The following FAM133B variants were observed in gnomAD, a reference collection of about 807,000 sequenced individuals.
FAM133B encodes family with sequence similarity 133 member B.
In FAM133B, 25 loss-of-function variants were observed where a neutral mutation model predicts 46.4. The observed-to-expected ratio is 0.54, with a 90% CI of 0.39 to 0.75. The LOEUF (loss-of-function observed/expected upper bound fraction) is 0.75, where lower values mean the gene tolerates loss of function less well. Among genes scored for constraint, FAM133B ranks in the 30% least tolerant of loss-of-function variants. FAM133B has a pLI of 0.00. For synonymous variants in FAM133B, 75 were observed against 86.0 expected (o/e 0.87, Z 0.71); for missense variants, 205 against 277.6 (o/e 0.74, Z 1.86).
rs116621496 is a variant in FAM133B, at chr7:92,581,756, T to C, written c.25-153A>G. ...CAACTCTTTATTCTAAAAAAATTAA[T>C]TTAATCCTCTTTTAAGTCTTAAAAG... On this transcript the variant is annotated intron_variant, in intron 1 of 10. Transcript: ENST00000445716. 394 of 597,412 alleles carry C rather than the reference T, an allele frequency of 6.6e-4. 1 individual carries two copies. In the African/African-American group the frequency reaches 6.8e-3, roughly 10 times the overall value. 37.0% of individuals were successfully genotyped at this position (597,412 alleles called of 1,614,324 possible). A position where few individuals can be genotyped will look rare whatever the true frequency, so the allele number is the denominator to read the frequency against.
At chr7:92,562,613 A>G (rs1259056718) in intron 10 of FAM133B, among the ~76,000 whole-genome samples, 2 of 152,168 alleles carry the variant, frequency 1.3e-5, no homozygotes, top group African/African-American at 4.8e-5. Context: ...CTTCTAACAA[A>G]ATTTCCTGTA....
At chr7:92,579,257 G>C in intron 3 of FAM133B, 60 bp downstream of exon 3, 1 of 1,436,590 alleles carries the variant, frequency 7.0e-7, no homozygotes, top group Non-Finnish European at 9.6e-7. Flanking sequence ...GGAATTATAG[G>C]TATGAGCCAC....
chr7:92,589,336 G>T (rs1024349826), intron 1 of FAM133B, among the ~76,000 whole-genome samples: 5 of 152,034 alleles, frequency 3.3e-5, no homozygotes, highest in East Asian at 1.9e-4. Flanking sequence ...TCCCATCTCC[G>T]CTTCTCAAAA....
At chr7:92,575,680 ATC>A in intron 8 of FAM133B, 89 bp downstream of exon 8, 1 of 575,402 alleles carries the variant, frequency 1.7e-6, no homozygotes, top group Non-Finnish European at 2.9e-6. Flanking sequence ...AAATAAATAT[ATC>A]TCTTAAAAAG....
At chr7:92,583,882 C>CT (rs1794960253) in intron 1 of FAM133B, among the ~76,000 whole-genome samples, 1 of 151,570 alleles carries the variant, frequency 6.6e-6, no homozygotes, top group Non-Finnish European at 1.5e-5. Context: ...AACCCTGTCT[C>CT]TACTAAAAAC....
In FAM133B at chr7:92,577,183, C is replaced by A; in HGVS notation, c.385G>T (p.Gly129Ter). Residue 129 changes from glycine (G) to a stop codon, truncating the protein, a stop_gained, in exon 7 of 11, where the codon GGA becomes TGA. Transcript: ENST00000445716. LOFTEE classifies it high-confidence loss of function. Reference sequence around the variant, plus strand: ...TTCTTCTTTTTCTTTCTCCGTTTTCCTTGTTTCTTATCCTACATAAAATAT... The same window carrying A: ...TTCTTCTTTTTCTTTCTCCGTTTTCATTGTTTCTTATCCTACATAAAATAT... The part of the protein sequence containing the change: ...SDSEDEDKKQ[G>*]KRRKKKKNRS... The A allele has an allele frequency of 1.3e-6, 2 of 1,494,664 alleles. No individual in the cohort carries two copies. The highest frequency in any genetic ancestry group is 1.4e-5 in the South Asian group (1 of 71,914). The allele number at this position is 1,494,664 out of a possible 1,614,324, so 92.6% of individuals were successfully genotyped here.
At chr7:92,573,883 T>A (rs1794612401) in intron 8 of FAM133B, among the ~76,000 whole-genome samples, 1 of 152,022 alleles carries the variant, frequency 6.6e-6, no homozygotes, top group African/African-American at 2.4e-5. Flanking sequence ...AAATTTTATT[T>A]TTTTTTAAAT....
At chr7:92,569,967 A>G in intron 8 of FAM133B, 52 bp from the exon 9 acceptor site, 3 of 790,624 alleles carry the variant, frequency 3.8e-6, no homozygotes, top group Non-Finnish European at 5.4e-6. Flanking sequence ...TGTCACACAC[A>G]TTTTATGTTT....
At chr7:92,569,169 A>G (rs979655284) in intron 9 of FAM133B, among the ~76,000 whole-genome samples, 1 of 152,204 alleles carries the variant, frequency 6.6e-6, no homozygotes, top group Non-Finnish European at 1.5e-5. Context: ...TTTAGATTAC[A>G]CTATTGGGGG....
chr7:92,571,548 G>T (rs967501858), intron 8 of FAM133B, among the ~76,000 whole-genome samples: 1 of 152,096 alleles, frequency 6.6e-6, no homozygotes, highest in African/African-American at 2.4e-5. Context: ...CCCCAGTACT[G>T]TAATAGTCAC....
Position 92,580,242 on chromosome 7 carries a change from T to TA in FAM133B, c.123-848dup, listed in dbSNP as rs61400606. On this transcript the variant is annotated intron_variant, in intron 2 of 10. Coordinates refer to ENST00000445716, the MANE Select transcript of FAM133B (RefSeq NM_152789.4). Reference sequence around the variant, plus strand: ...GCATGTACTACCACATCCAGCTAATTAAAAAAAAAAAAAAAAACACATAAA... The same window carrying TA: ...GCATGTACTACCACATCCAGCTAATTAAAAAAAAAAAAAAAAAACACATAAA... Among the ~76,000 whole-genome samples the TA allele has an allele frequency of 8.9e-3, 1,133 of 126,650 alleles. 14 individuals are homozygous for TA. The highest frequency in any genetic ancestry group is 0.036 in the South Asian group (141 of 3,962). The allele number at this position is 126,650 out of a possible 152,430, so 83.1% of individuals were successfully genotyped here. A position where few individuals can be genotyped will look rare whatever the true frequency, so the allele number is the denominator to read the frequency against.
At position 92,577,636 on chromosome 7, in the gene FAM133B, C is replaced by T. The variant is rs1794740213; in HGVS notation, c.372+19G>A. 7 of 1,543,046 alleles carry T rather than the reference C, an allele frequency of 4.5e-6. No homozygotes were observed. Among genetic ancestry groups the T allele is most frequent in the Non-Finnish European group, 6.1e-6 (7 of 1,143,266 alleles). On this transcript the variant is annotated intron_variant, in intron 6 of 10. Coordinates refer to ENST00000445716, the MANE Select transcript of FAM133B (RefSeq NM_152789.4). ...AATTAAGAGATATTATTTCATGAAC[C>T]ATTATAAGCAAACCTTACCTCATCT...
chr7:92,567,950 G>A (rs1192936295), intron 9 of FAM133B, among the ~76,000 whole-genome samples: 3 of 152,028 alleles, frequency 2.0e-5, no homozygotes, highest in Admixed American at 2.0e-4. Flanking sequence ...TTTTAGTAGA[G>A]ACAGGGTTTT....
intron 1 of FAM133B, chr7:92,590,056 A>G (rs1795151903): frequency 1.9e-5 from 12 of 633,854 alleles, no homozygotes; most frequent in Non-Finnish European, 3.0e-5. Flanking sequence ...AGGGAAGAAA[A>G]AAGGGGCGGG....
In FAM133B at chr7:92,577,091, T is replaced by G; in HGVS notation, c.465+12A>C. 1 of 1,406,898 alleles carries G rather than the reference T, an allele frequency of 7.1e-7. No homozygotes were observed. The allele number at this position is 1,406,898 out of a possible 1,614,324, so 87.2% of individuals were successfully genotyped here. A position where few individuals can be genotyped will look rare whatever the true frequency, so the allele number is the denominator to read the frequency against. ...CTTTGTATCCAATATATTAATAATTTAAATAATTTACCTTACTGTCTGATT... is the reference window on the plus strand; with the variant it reads ...CTTTGTATCCAATATATTAATAATTGAAATAATTTACCTTACTGTCTGATT... On this transcript the variant is annotated intron_variant, in intron 7 of 10. Coordinates refer to ENST00000445716, the MANE Select transcript of FAM133B (RefSeq NM_152789.4).
chr7:92,567,224 A>G (rs1246273695), intron 9 of FAM133B, among the ~76,000 whole-genome samples: 4 of 152,236 alleles, frequency 2.6e-5, no homozygotes, highest in Non-Finnish European at 4.4e-5. Flanking sequence ...CTCTAAAAAA[A>G]TAAGAATAAA....
At chr7:92,574,402 T>C (rs732330) in intron 8 of FAM133B, among the ~76,000 whole-genome samples, 41,126 of 152,026 alleles carry the variant, frequency 0.27, 6,592 homozygotes, top group African/African-American at 0.45. Context: ...TAGAGGTTAC[T>C]AGAGAATGAG....
At chr7:92,569,779 T>C in intron 9 of FAM133B, 44 bp downstream of exon 9, 1 of 935,464 alleles carries the variant, frequency 1.1e-6, no homozygotes, top group Non-Finnish European at 1.5e-6. Flanking sequence ...AATCAATAAC[T>C]AAGCATTTTA....
At chr7:92,583,101 A>G (rs1418245473) in intron 1 of FAM133B, among the ~76,000 whole-genome samples, 1 of 152,256 alleles carries the variant, frequency 6.6e-6, no homozygotes, top group East Asian at 1.9e-4. Context: ...ATAAATGGAT[A>G]AACAAAACTG....
Sources: gnomAD v4.1 joint callset for allele counts (sites outside exome capture counted in the v4.1 genomes callset) on GRCh38, gnomAD v4.1.1 for gene constraint, MANE v1.5 for transcripts, NCBI Gene and HGNC (gene_info 2026-07-23, HGNC 2026-07-21) for gene names.